The following GPC6 variants were observed in gnomAD, a reference collection of about 807,000 sequenced individuals.
GPC6 encodes the protein glypican 6.
GPC6 carries 14 observed loss-of-function variants against 55.2 expected under a neutral mutation model. That is an observed-to-expected ratio of 0.25 (90% confidence interval 0.17 to 0.40). GPC6 has a LOEUF of 0.40. Ranked by LOEUF, GPC6 falls within the 10% of genes least tolerant of loss-of-function variation. GPC6 has a pLI of 1.00. For synonymous variants in GPC6, 278 were observed against 259.6 expected, an observed-to-expected ratio of 1.07 and a Z score of -0.68; for missense variants, 641 against 708.5, an observed-to-expected ratio of 0.90 and a Z score of 1.08.
intron 2 of GPC6, among the ~76,000 whole-genome samples, chr13:93,608,034 A>G (rs1878317009): frequency 4.2e-5 from 1 of 23,792 alleles, no homozygotes; most frequent in Non-Finnish European, 7.5e-5. Flanking sequence ...TGGCACTTGG[A>G]GTATTTTTTT....
rs1408622295 is a variant in GPC6, at chr13:94,406,989, A to G, written c.*3772A>G. The stretch of plus-strand genomic sequence containing the variant: ...AGGAAACCATAACTTATAAATTTGT[A>G]ATGTGTTCCTCCTTGTTGGAGACAT... On this transcript the variant is annotated 3_prime_UTR_variant, in exon 9 of 9. Transcript: ENST00000377047. 1 of 152,156 alleles carries G rather than the reference A, an allele frequency of 6.6e-6. No individual in the cohort carries two copies. The highest frequency in any genetic ancestry group is 2.4e-5 in the African/African-American group (1 of 41,460). The allele number at this position is 152,156 out of a possible 1,614,324, so 9.4% of individuals were successfully genotyped here. A position where few individuals can be genotyped will look rare whatever the true frequency, so the allele number is the denominator to read the frequency against.
intron 4 of GPC6, among the ~76,000 whole-genome samples, chr13:94,124,524 A>G (rs570562349): frequency 1.3e-5 from 2 of 152,188 alleles, no homozygotes; most frequent in South Asian, 4.1e-4. Flanking sequence ...CTTTCTAGGC[A>G]GTAAAGGGGG....
At chr13:93,623,481 C>T (rs1395589217) in intron 2 of GPC6, among the ~76,000 whole-genome samples, 35 of 37,930 alleles carry the variant, frequency 9.2e-4, no homozygotes, top group African/African-American at 1.8e-3. Context: ...TTTTTTGAGA[C>T]GGAGTCTCGC....
At chr13:93,838,391 A>G (rs986931990) in intron 3 of GPC6, among the ~76,000 whole-genome samples, 1 of 152,202 alleles carries the variant, frequency 6.6e-6, no homozygotes, top group Admixed American at 6.5e-5. Context: ...AGCATCTCAC[A>G]GAGGGAAAAA....
intron 2 of GPC6, among the ~76,000 whole-genome samples, chr13:93,726,222 T>C (rs992006788): frequency 2.0e-5 from 3 of 151,640 alleles, no homozygotes; most frequent in Non-Finnish European, 4.4e-5. Flanking sequence ...AGCTCTCTGA[T>C]TCGTGTATCG....
chr13:93,869,075 G>T (rs74111010), intron 3 of GPC6, among the ~76,000 whole-genome samples: 5,251 of 151,888 alleles, frequency 0.035, 270 homozygotes, highest in East Asian at 0.17. Context: ...GTGCTACTAA[G>T]TAATGTAGCA....
intron 1 of GPC6, among the ~76,000 whole-genome samples, chr13:93,473,279 C>A (rs1413093511): frequency 3.3e-5 from 5 of 152,188 alleles, no homozygotes; most frequent in Admixed American, 1.3e-4. Context: ...CTGCCCTAAG[C>A]CCCTACTTGT....
intron 6 of GPC6, among the ~76,000 whole-genome samples, chr13:94,352,345 G>A (rs1878593456): frequency 6.6e-6 from 1 of 151,374 alleles, no homozygotes; most frequent in African/African-American, 2.5e-5. Flanking sequence ...CTGTGCCCCT[G>A]CTAGTCCACT....
At chr13:93,303,516 G>A (rs1363300322) in intron 1 of GPC6, among the ~76,000 whole-genome samples, 6 of 152,078 alleles carry the variant, frequency 3.9e-5, no homozygotes, top group Non-Finnish European at 8.8e-5. Context: ...CCCAACCCAT[G>A]CCAAAGCTTT....
intron 4 of GPC6, among the ~76,000 whole-genome samples, chr13:94,054,877 A>C (rs1334265606): frequency 5.3e-5 from 8 of 152,150 alleles, no homozygotes; most frequent in African/African-American, 9.7e-5. Context: ...TAGAGAGCTT[A>C]GAGAGCTGTG....
intron 3 of GPC6, among the ~76,000 whole-genome samples, chr13:93,916,958 T>G (rs1877325149): frequency 2.0e-5 from 3 of 152,214 alleles, no homozygotes. Flanking sequence ...CATAAACTAG[T>G]TGCTGCTTTA....
intron 3 of GPC6, among the ~76,000 whole-genome samples, chr13:94,014,114 T>C (rs1304911639): frequency 6.6e-5 from 10 of 152,222 alleles, no homozygotes; most frequent in African/African-American, 2.4e-4. Context: ...CCTTGTTCTC[T>C]CTCAATGGTA....
chr13:93,258,856 G>A (rs1566543835), intron 1 of GPC6, among the ~76,000 whole-genome samples: 1 of 152,092 alleles, frequency 6.6e-6, no homozygotes. Context: ...AGGCTTAGCT[G>A]GGAGGATCCC....
Position 94,349,977 on chromosome 13 carries a change from G to A in GPC6, c.1153-32437G>A, listed in dbSNP as rs529012198. 2.0e-5 allele frequency among the ~76,000 whole-genome samples: 3 copies of A among 152,122 alleles called. No homozygotes were observed. In the East Asian group the frequency reaches 5.8e-4, roughly 29 times the overall value. Reference sequence around the variant, plus strand: ...TTCGAGTTTGTTGACTGGGATGATGGAATTGTACTTCTTTGATTCCTCAAT... The same window carrying A: ...TTCGAGTTTGTTGACTGGGATGATGAAATTGTACTTCTTTGATTCCTCAAT... On this transcript the variant is annotated intron_variant, in intron 6 of 8. Transcript: ENST00000377047.
At chr13:93,665,622 T>C (rs990616020) in intron 2 of GPC6, among the ~76,000 whole-genome samples, 6 of 152,168 alleles carry the variant, frequency 3.9e-5, no homozygotes, top group Non-Finnish European at 7.3e-5. Context: ...AAAGAAATAT[T>C]GTCTTATAGT....
chr13:93,425,161 T>C (rs1298531743), intron 1 of GPC6, among the ~76,000 whole-genome samples: 2 of 152,236 alleles, frequency 1.3e-5, no homozygotes, highest in African/African-American at 4.8e-5. Context: ...AAATTCGTGA[T>C]GAATGAATTA....
At chr13:94,106,231 A>G (rs1886046756) in intron 4 of GPC6, among the ~76,000 whole-genome samples, 1 of 152,204 alleles carries the variant, frequency 6.6e-6, no homozygotes, top group Non-Finnish European at 1.5e-5. Context: ...CCAGCTGAAG[A>G]TGTCAATACT....
At chr13:93,412,658 AAAAC>A (rs201900399) in intron 1 of GPC6, among the ~76,000 whole-genome samples, 2,419 of 152,290 alleles carry the variant, frequency 0.016, 31 homozygotes, top group Non-Finnish European at 0.025. Flanking sequence ...CTCCATCTCA[AAAAC>A]AAACAAACAA....
At chr13:94,384,510 G>T (rs1880313497) in intron 7 of GPC6, among the ~76,000 whole-genome samples, 1 of 152,162 alleles carries the variant, frequency 6.6e-6, no homozygotes, top group African/African-American at 2.4e-5. Flanking sequence ...ACAGGTTGCT[G>T]ATATTAGTCC....
Sources: allele counts gnomAD v4.1 joint callset (sites outside exome capture counted in the v4.1 genomes callset), GRCh38; gene constraint gnomAD v4.1.1; transcripts MANE v1.5; gene names NCBI Gene and HGNC (gene_info 2026-07-23, HGNC 2026-07-21).